The following PLB1 variants were observed in gnomAD, a reference collection of about 807,000 sequenced individuals.
PLB1 encodes phospholipase B1, membrane-associated.
PLB1 carries 242 observed loss-of-function variants against 227.4 expected under a neutral mutation model. The ratio of observed to expected loss-of-function variants is 1.06; its 90% CI spans 0.96 to 1.18. PLB1 has a LOEUF of 1.18. Ranked by LOEUF, PLB1 falls within the 50% of genes most tolerant of loss-of-function variation. The pLI, the probability that PLB1 is intolerant of heterozygous loss-of-function variation, is 0.00. For missense variants in PLB1, 1,858 were observed against 1,816.3 expected (o/e 1.02, Z -0.42); for synonymous variants, 757 against 682.2 (o/e 1.11, Z -1.71).
At chr2:28,625,031 C>A (rs755320024) in intron 49 of PLB1, 26 bp from the exon 50 acceptor site, 1 of 1,611,092 alleles carries the variant, frequency 6.2e-7, no homozygotes, top group Admixed American at 1.7e-5. Flanking sequence ...CCGGCACTAA[C>A]GCCCCTCTCT....
In PLB1 at chr2:28,539,153, C is replaced by A; in HGVS notation, c.673C>A (p.Arg225Ser). Residue 225 changes from arginine to serine, a missense_variant, in exon 11 of 58, where the codon CGT (arginine) becomes AGT (serine). Physicochemically the swap from Arg to Ser is moderately radical, Grantham distance 110. Transcript: ENST00000327757. ...CCTCTCTGAGGTTGCAGAGGTCTCT[C>A]GTCAGTATCACGGCACTTGGCTCAG... ...VDLSEVAEVS[R>S]QYHGTWLSPA... The A allele has an allele frequency of 2.5e-6, 4 of 1,613,914 alleles. No homozygotes were observed. Among genetic ancestry groups the A allele is most frequent in the South Asian group, 1.1e-5 (1 of 91,076 alleles).
intron 22 of PLB1, among the ~76,000 whole-genome samples, chr2:28,579,417 C>T (rs532568829): frequency 6.6e-6 from 1 of 152,266 alleles, no homozygotes; most frequent in Admixed American, 6.5e-5. Context: ...TGGACAGAGC[C>T]ACATGCAAGT....
chr2:28,523,870 GC>G (rs1377956636), intron 4 of PLB1, among the ~76,000 whole-genome samples: 1 of 152,136 alleles, frequency 6.6e-6, no homozygotes, highest in Non-Finnish European at 1.5e-5. Context: ...CTTTGCTTGG[GC>G]CCAGGCTGTC....
At chr2:28,632,765 G>A (rs1688811166) in intron 55 of PLB1, among the ~76,000 whole-genome samples, 179 bp from the exon 56 acceptor site, 1 of 149,404 alleles carries the variant, frequency 6.7e-6, no homozygotes, top group East Asian at 1.9e-4. Context: ...CAAAAAAAAA[G>A]AAAAAAGAAA....
In PLB1 at chr2:28,573,285, T is replaced by TAAGGTCTGAG. The variant is rs780323958; in HGVS notation, c.1413_1414insAAGGTCTGAG (p.Val472LysfsTer3). The stretch of plus-strand genomic sequence containing the variant: ...GTCCTAATGCCTTCTTAAACCAGGC[T>TAAGGTCTGAG]GTGGCAGGAGGCCGAGCTGAGTAAG... On this transcript the variant is annotated stop_gained and frameshift_variant, in exon 21 of 58. Coordinates refer to ENST00000327757, the MANE Select transcript of PLB1 (RefSeq NM_153021.5). LOFTEE classifies it high-confidence loss of function. 1 of 1,613,858 alleles carries TAAGGTCTGAG rather than the reference T, an allele frequency of 6.2e-7. No homozygotes were observed. Among genetic ancestry groups the TAAGGTCTGAG allele is most frequent in the East Asian group, 2.2e-5 (1 of 44,886 alleles).
At chr2:28,536,751 C>CTTA (rs1294589975) in intron 9 of PLB1, among the ~76,000 whole-genome samples, 2 of 152,064 alleles carry the variant, frequency 1.3e-5, no homozygotes, top group East Asian at 3.9e-4. Flanking sequence ...TATGTATGAC[C>CTTA]TTATAGAGGA....
At chr2:28,519,507 G>A (rs1001250287) in intron 3 of PLB1, among the ~76,000 whole-genome samples, 198 bp from the exon 4 acceptor site, 3 of 152,168 alleles carry the variant, frequency 2.0e-5, no homozygotes, top group South Asian at 2.1e-4. Flanking sequence ...AGAGGGGAGC[G>A]GGTGTCTTTC....
intron 1 of PLB1, 86 bp downstream of exon 1, chr2:28,496,255 AGT>A (rs1666421945): frequency 2.3e-6 from 3 of 1,330,814 alleles, no homozygotes; most frequent in Non-Finnish European, 3.2e-6. Context: ...GTGTGAGAGG[AGT>A]GTGTGCTTTT....
In PLB1 at chr2:28,525,253, A is replaced by T. The variant is rs371389812; in HGVS notation, c.244-14A>T. On this transcript the variant is annotated splice_polypyrimidine_tract_variant and intron_variant, in intron 4 of 57. Transcript: ENST00000327757. ...CTCCCCTGGCTGGGTGTTAACATTG[A>T]GTATCTATTCCAGCCTCCAGACCCA... 1 of 1,612,748 alleles carries T rather than the reference A, an allele frequency of 6.2e-7. No homozygotes were observed. The highest frequency in any genetic ancestry group is 8.5e-7 in the Non-Finnish European group (1 of 1,179,682).
rs185327924 is a variant in PLB1 at position 28,563,070 on chromosome 2, G to A, written c.1177G>A (p.Val393Ile). 1.1e-4 allele frequency: 179 copies of A among 1,613,906 alleles called. No homozygotes were observed. The highest frequency in any genetic ancestry group is 1.4e-4 in the Non-Finnish European group (168 of 1,179,862). The part of the protein sequence containing the change: ...VHRLKPADIN[V>I]IGALGDSLTA... ...TAGGCTGAAGCCGGCTGACATCAAC[G>A]TAATTGGAGCCCTGGGTGACTCTCT... is the stretch of plus-strand genomic sequence containing the variant. Residue 393 changes from valine (V) to isoleucine (I), a missense_variant, in exon 18 of 58, where the codon GTA becomes ATA. Coordinates refer to ENST00000327757, the MANE Select transcript of PLB1 (RefSeq NM_153021.5).
chr2:28,619,454 G>A (rs1686681042), intron 46 of PLB1, among the ~76,000 whole-genome samples: 1 of 151,954 alleles, frequency 6.6e-6, no homozygotes, highest in Non-Finnish European at 1.5e-5. Context: ...TTAAGGTAGG[G>A]GTAGATTATT....
At chr2:28,564,368 C>T (rs575662663) in intron 18 of PLB1, among the ~76,000 whole-genome samples, 1 of 152,310 alleles carries the variant, frequency 6.6e-6, no homozygotes, top group East Asian at 1.9e-4. Context: ...TATCCCTATG[C>T]TGTGGCAGCC....
intron 54 of PLB1, among the ~76,000 whole-genome samples, chr2:28,631,550 C>G (rs571771791): frequency 2.3e-4 from 35 of 152,302 alleles, no homozygotes; most frequent in African/African-American, 8.2e-4. Flanking sequence ...ACATTCCATG[C>G]TTGGGTACTT....
At chr2:28,618,521 C>A in intron 46 of PLB1, 122 bp downstream of exon 46, 1 of 996,664 alleles carries the variant, frequency 1.0e-6, no homozygotes, top group Non-Finnish European at 1.5e-6. Context: ...TGAGGGCCTA[C>A]CCATGTCAGG....
At chr2:28,612,558 A>G (rs900004028) in intron 43 of PLB1, among the ~76,000 whole-genome samples, 1 of 151,820 alleles carries the variant, frequency 6.6e-6, no homozygotes, top group Non-Finnish European at 1.5e-5. Context: ...ATGGTTGCGT[A>G]CATGTGGTCA....
At chr2:28,512,237 T>C (rs1246238361) in intron 1 of PLB1, among the ~76,000 whole-genome samples, 1 of 152,168 alleles carries the variant, frequency 6.6e-6, no homozygotes, top group Non-Finnish European at 1.5e-5. Context: ...AGTTTACTGA[T>C]CTTTTATTCT....
intron 21 of PLB1, among the ~76,000 whole-genome samples, 156 bp from the exon 22 acceptor site, chr2:28,577,951 T>C (rs1310644636): frequency 6.6e-6 from 1 of 152,190 alleles, no homozygotes; most frequent in Non-Finnish European, 1.5e-5. Flanking sequence ...GGAGCCTGAA[T>C]GGGGAAGAAG....
chr2:28,604,016 C>T lies in PLB1; in HGVS notation c.2825C>T (p.Ala942Val), dbSNP rs1399210709. The T allele has an allele frequency of 6.2e-7, 1 of 1,614,222 alleles. No individual in the cohort carries two copies. The highest frequency in any genetic ancestry group is 2.2e-5 in the East Asian group (1 of 44,886). The change falls in exon 40 of 58, where the codon GCC becomes GTC. Residue 942 changes from alanine to valine, a missense_variant. By Grantham distance (64) the Ala-to-Val change is moderately conservative. Transcript: ENST00000327757. ...LTLRENSQELARLEAFSRAYR... is the reference protein window; with the variant it reads ...LTLRENSQELVRLEAFSRAYR... ...CTGCGGGAGAACTCCCAAGAGCTAG[C>T]CAGGCTGGAGGCCTTCAGCCGAGCC...
chr2:28,568,947 C>T (rs1390563014), intron 20 of PLB1, among the ~76,000 whole-genome samples: 1 of 152,174 alleles, frequency 6.6e-6, no homozygotes, highest in Non-Finnish European at 1.5e-5. Context: ...GGGAAGCTGC[C>T]ACCTCCTAGG....
Sources: gnomAD v4.1 joint callset for allele counts (sites outside exome capture counted in the v4.1 genomes callset) on GRCh38, gnomAD v4.1.1 for gene constraint, MANE v1.5 for transcripts, NCBI Gene and HGNC (gene_info 2026-07-23, HGNC 2026-07-21) for gene names.